Variants in IK observed in about 807,000 individuals in gnomAD.
The protein encoded by IK is IK cytokine.
In IK, 47 loss-of-function variants were observed where a neutral mutation model predicts 90.9. The observed-to-expected ratio is 0.52, with a 90% CI of 0.41 to 0.66. The LOEUF is 0.66. IK is among the 30% of genes least tolerant of loss of function. The pLI, the probability that IK is intolerant of heterozygous loss-of-function variation, is 0.00. For synonymous variants in IK, 201 were observed against 227.5 expected (o/e 0.88, Z 1.05); for missense variants, 385 against 709.3 (o/e 0.54, Z 5.19).
Position 140,661,996 on chromosome 5 carries a change from A to G in IK, c.1600A>G (p.Lys534Glu). 6.2e-7 allele frequency: 1 copy of G among 1,607,320 alleles called. No homozygotes were observed. The highest frequency in any genetic ancestry group is 8.5e-7 in the Non-Finnish European group (1 of 1,176,636). ...AGCAGAGCTTGATCGCCAGTGGAAG[A>G]AGATTAGTGCAGTAAGTAGGATGGC... ...DKAELDRQWK[K>E]ISAIIEKRKK... Residue 534 changes from lysine (K) to glutamate (E), a missense_variant, in exon 18 of 20, where the codon AAG becomes GAG. Lys to Glu is a moderately conservative substitution (Grantham distance 56, BLOSUM62 1). Coordinates refer to ENST00000417647, the MANE Select transcript of IK (RefSeq NM_006083.4). The surrounding 1 kb of genome is among the most constrained non-coding windows in gnomAD (Gnocchi z 4.2).
chr5:140,653,261 C>T, intron 5 of IK, 117 bp downstream of exon 5: 1 of 729,076 alleles, frequency 1.4e-6, no homozygotes, highest in Non-Finnish European at 2.1e-6. Flanking sequence ...ATTTCAGAGG[C>T]ATTTGCCACC....
At chr5:140,648,635 T>C in intron 2 of IK, 98 bp downstream of exon 2, 1 of 1,234,130 alleles carries the variant, frequency 8.1e-7, no homozygotes, top group Non-Finnish European at 1.2e-6. Flanking sequence ...TCATCAAGGA[T>C]GGTAAAAAAT....
chr5:140,652,201 A>G, intron 4 of IK, 54 bp downstream of exon 4: 3 of 1,319,080 alleles, frequency 2.3e-6, no homozygotes, highest in Non-Finnish European at 3.3e-6. Context: ...TTTAGGGGAA[A>G]GAAGTAGGGG....
At chr5:140,651,867 T>C (rs938919492) in intron 3 of IK, 61 bp downstream of exon 3, 1 of 1,112,582 alleles carries the variant, frequency 9.0e-7, no homozygotes, top group African/African-American at 1.6e-5. Flanking sequence ...CCTATTTCTT[T>C]CTACTAAGTA....
At chr5:140,653,411 C>T (rs548146933) in intron 5 of IK, among the ~76,000 whole-genome samples, 220 of 151,770 alleles carry the variant, frequency 1.4e-3, no homozygotes, top group African/African-American at 5.1e-3. Flanking sequence ...CTCAGCCTCC[C>T]GAGTAGCTGG....
intron 2 of IK, chr5:140,648,829 G>A (rs1757551465): frequency 5.3e-6 from 2 of 377,082 alleles, no homozygotes; most frequent in Non-Finnish European, 9.7e-6. Flanking sequence ...AGGAAATAAG[G>A]GTAAAATCAT....
rs747352464 is a variant in IK, at chr5:140,652,163, A to T, written c.236+16A>T. On this transcript the variant is annotated intron_variant, in intron 4 of 19. Transcript: ENST00000417647. ...AAAAGAAAAGGTGAAGGAAGGGTGA[A>T]GGGTTTTAGATTTTAAGGTGGATAG... is the stretch of plus-strand genomic sequence containing the variant. 34 of 1,604,134 alleles carry T rather than the reference A, an allele frequency of 2.1e-5. No individual in the cohort carries two copies. In the South Asian group the frequency reaches 3.7e-4, roughly 18 times the overall value.
intron 18 of IK, 46 bp downstream of exon 18, chr5:140,662,053 G>C (rs747608934): frequency 1.3e-6 from 2 of 1,569,760 alleles, no homozygotes; most frequent in Non-Finnish European, 1.7e-6. Context: ...GCTGGGAGAA[G>C]ACATTAGCCT....
chr5:140,662,428 A>C lies in IK; in HGVS notation c.*99A>C. On this transcript the variant is annotated 3_prime_UTR_variant, in exon 20 of 20. Transcript: ENST00000417647. ...GCAAGATGTTTTTTTGTGGATGAATATAAAATTTTATTGTGTAATTACTTG... is the reference window on the plus strand; with the variant it reads ...GCAAGATGTTTTTTTGTGGATGAATCTAAAATTTTATTGTGTAATTACTTG... 2 of 1,276,844 alleles carry C rather than the reference A, an allele frequency of 1.6e-6. No homozygotes were observed. The allele number at this position is 1,276,844 out of a possible 1,614,324, so 79.1% of individuals were successfully genotyped here. A position where few individuals can be genotyped will look rare whatever the true frequency, so the allele number is the denominator to read the frequency against.
Position 140,652,085 on chromosome 5 carries a change from T to C in IK, c.177-3T>C. On this transcript the variant is annotated splice_polypyrimidine_tract_variant and splice_region_variant and intron_variant, in intron 3 of 19. Transcript: ENST00000417647. Reference sequence around the variant, plus strand: ...CTATCAGTGAATTTCTCGTCTCTTCTAGGATGCCAAGGGAGTACAATGAGG... The same window carrying C: ...CTATCAGTGAATTTCTCGTCTCTTCCAGGATGCCAAGGGAGTACAATGAGG... 2 of 1,612,636 alleles carry C rather than the reference T, an allele frequency of 1.2e-6. No homozygotes were observed. The highest frequency in any genetic ancestry group is 1.7e-6 in the Non-Finnish European group (2 of 1,178,724).
At chr5:140,649,189 T>G (rs2569160) in intron 2 of IK, among the ~76,000 whole-genome samples, 1 of 141,306 alleles carries the variant, frequency 7.1e-6, no homozygotes, top group Non-Finnish European at 1.5e-5. Flanking sequence ...TTTCTTTTTT[T>G]TTTTCTTTTC....
Position 140,653,139 on chromosome 5 carries a change from T to G in IK, c.399T>G (p.Ala133=). ...TANYRAVGPT[A]EADKSAAEKR... ...ACTATAGGGCTGTTGGCCCCACTGC[T>G]GAGGCGTGAGTACTGAGGGAACAGG... The change falls in exon 5 of 20, where the codon GCT becomes GCG. Residue 133 remains alanine (A), a synonymous_variant. Transcript: ENST00000417647. 6.2e-7 allele frequency: 1 copy of G among 1,613,704 alleles called. No homozygotes were observed. Among genetic ancestry groups the G allele is most frequent in the East Asian group, 2.2e-5 (1 of 44,870 alleles).
chr5:140,662,127 A>G (rs1757809798), intron 18 of IK, 52 bp from the exon 19 acceptor site: 1 of 1,610,246 alleles, frequency 6.2e-7, no homozygotes, highest in Admixed American at 1.7e-5. Context: ...CTTGGGCCTC[A>G]GGTGAGCTTA....
chr5:140,651,584 A>AC, intron 2 of IK, 130 bp from the exon 3 acceptor site: 1 of 599,994 alleles, frequency 1.7e-6, no homozygotes, highest in East Asian at 3.0e-5. Context: ...TCAAAAAAAA[A>AC]AAAACAGTGT....
rs753233519 is a variant in IK at position 140,661,453 on chromosome 5, C to T, written c.1414-167C>T. The T allele has an allele frequency of 1.6e-6, 1 of 606,202 alleles. No homozygotes were observed. Among genetic ancestry groups the T allele is most frequent in the Non-Finnish European group, 3.0e-6 (1 of 333,596 alleles). 37.6% of individuals were successfully genotyped at this position (606,202 alleles called of 1,614,324 possible). Reference sequence around the variant, plus strand: ...ATGCATTTAGTGTACAGAATAATGCCTGTCACATAGTAAGTATGTAATAAG... The same window carrying T: ...ATGCATTTAGTGTACAGAATAATGCTTGTCACATAGTAAGTATGTAATAAG... On this transcript the variant is annotated intron_variant, in intron 16 of 19. Coordinates refer to ENST00000417647, the MANE Select transcript of IK (RefSeq NM_006083.4). This position sits in a 1 kb window ranked among gnomAD's most constrained non-coding sequence, Gnocchi z 4.2.
Position 140,647,855 on chromosome 5 carries a change from C to A in IK, c.-54C>A, listed in dbSNP as rs747265872. ...CACTGTGGGAAAGAGCTTGTCGCTGCGGTGTTGCTGTTGGAGACTCGATTG... is the reference window on the plus strand; with the variant it reads ...CACTGTGGGAAAGAGCTTGTCGCTGAGGTGTTGCTGTTGGAGACTCGATTG... On this transcript the variant is annotated 5_prime_UTR_variant, in exon 1 of 20. Transcript: ENST00000417647. 5 of 1,606,912 alleles carry A rather than the reference C, an allele frequency of 3.1e-6. No homozygotes were observed. The highest frequency in any genetic ancestry group is 4.3e-6 in the Non-Finnish European group (5 of 1,173,534).
Position 140,647,857 on chromosome 5 carries a change from G to A in IK, c.-52G>A. The A allele has an allele frequency of 6.2e-7, 1 of 1,610,044 alleles. No individual in the cohort carries two copies. The highest frequency in any genetic ancestry group is 8.5e-7 in the Non-Finnish European group (1 of 1,176,300). On this transcript the variant is annotated 5_prime_UTR_variant, in exon 1 of 20. It adds an upstream start codon to the 5' untranslated region. Transcript: ENST00000417647. ...CTGTGGGAAAGAGCTTGTCGCTGCG[G>A]TGTTGCTGTTGGAGACTCGATTGTT...
intron 6 of IK, 87 bp downstream of exon 6, chr5:140,654,139 A>C: frequency 2.6e-6 from 2 of 774,506 alleles, no homozygotes; most frequent in Non-Finnish European, 4.5e-6. Context: ...GAGATTCCTG[A>C]GAGTTCAGAC....
intron 14 of IK, 84 bp from the exon 15 acceptor site, chr5:140,660,031 G>A (rs1201563776): frequency 1.3e-5 from 16 of 1,211,490 alleles, no homozygotes; most frequent in Non-Finnish European, 1.8e-5. Flanking sequence ...TCATGTTGGG[G>A]CTTCTAGCCC....
Sources: allele counts gnomAD v4.1 joint callset (sites outside exome capture counted in the v4.1 genomes callset), GRCh38; gene constraint gnomAD v4.1.1; non-coding constraint Gnocchi (gnomAD v3.1); transcripts MANE v1.5; gene names NCBI Gene and HGNC (gene_info 2026-07-23, HGNC 2026-07-21).